Variants in PIWIL1 observed in about 807,000 individuals in gnomAD.
The protein encoded by PIWIL1 is piwi-like protein 1.
A neutral mutation model predicts 114.4 loss-of-function variants in PIWIL1; 73 were observed. The observed-to-expected ratio is 0.64, with a 90% confidence interval of 0.53 to 0.78. The LOEUF is 0.78. Among genes scored for constraint, PIWIL1 ranks in the 30% least tolerant of loss-of-function variants. PIWIL1 has a pLI of 0.00. For missense variants in PIWIL1, 723 were observed against 1,063.1 expected (o/e 0.68, Z 4.45); for synonymous variants, 375 against 369.0 (o/e 1.02, Z -0.19).
chr12:130,343,391 G>A (rs2072979442), intron 3 of PIWIL1, among the ~76,000 whole-genome samples: 1 of 152,178 alleles, frequency 6.6e-6, no homozygotes, highest in African/African-American at 2.4e-5. Context: ...TCTACCTGTA[G>A]AGGTAAAGAT....
In PIWIL1 at chr12:130,361,236, C is replaced by A. The variant is rs2073500085; in HGVS notation, c.1722C>A (p.Tyr574Ter). 1.2e-6 allele frequency: 2 copies of A among 1,614,020 alleles called. No individual in the cohort carries two copies. The highest frequency in any genetic ancestry group is 1.7e-6 in the Non-Finnish European group (2 of 1,180,038). The stretch of plus-strand genomic sequence containing the variant: ...ACAAATACGATGCTATTAAAAAATA[C>A]CTGTGTACAGATTGCCCTACCCCAA... ...RKDKYDAIKKYLCTDCPTPSQ... is the reference protein window; with the variant it reads ...RKDKYDAIKK The change falls in exon 15 of 21, where the codon TAC becomes TAA. Residue 574 changes from tyrosine (Y) to a stop codon, truncating the protein, a stop_gained. Transcript: ENST00000245255. LOFTEE classifies it high-confidence loss of function.
At chr12:130,411,404 G>A in the PIWIL1 span, among the ~76,000 whole-genome samples, 1 of 152,142 alleles carries the variant, frequency 6.6e-6, no homozygotes, top group Non-Finnish European at 1.5e-5. Context: ...AAGGAGTGGT[G>A]AGGGCCGACA....
chr12:130,390,598 G>A, the PIWIL1 span, among the ~76,000 whole-genome samples: 7 of 152,238 alleles, frequency 4.6e-5, no homozygotes, highest in African/African-American at 1.7e-4. Context: ...ATTAGAGCTT[G>A]GGCAATGGGT....
intron 19 of PIWIL1, 64 bp from the exon 20 acceptor site, chr12:130,371,112 G>T: frequency 7.2e-7 from 1 of 1,396,914 alleles, no homozygotes; most frequent in Non-Finnish European, 1.0e-6. Flanking sequence ...GCTTTTCACT[G>T]TAAGAAACTG....
chr12:130,389,019 G>C, the PIWIL1 span, among the ~76,000 whole-genome samples: 2 of 152,052 alleles, frequency 1.3e-5, no homozygotes, highest in East Asian at 3.9e-4. Context: ...GCTTTCAAAG[G>C]CATTTCTGTT....
chr12:130,376,873 C>T (rs11060850), downstream of PIWIL1, among the ~76,000 whole-genome samples: 12 of 152,284 alleles, frequency 7.9e-5, no homozygotes, highest in East Asian at 1.9e-3. Flanking sequence ...TGCCAGGTTC[C>T]CATGTTGTGT....
At chr12:130,407,107 A>G in the PIWIL1 span, among the ~76,000 whole-genome samples, 1 of 152,186 alleles carries the variant, frequency 6.6e-6, no homozygotes, top group East Asian at 1.9e-4. Context: ...TTCACAACCA[A>G]ACACATTTTC....
At position 130,357,025 on chromosome 12, in the gene PIWIL1, T is replaced by G. The variant is rs2073381070; in HGVS notation, c.1512T>G (p.Asn504Lys). The change falls in exon 13 of 21, where the codon AAT (asparagine) becomes AAG (lysine). Residue 504 changes from asparagine (N) to lysine (K), a missense_variant. Physicochemically the swap from Asn to Lys is moderately conservative, Grantham distance 94. Around this residue, in one of 8 missense-constraint regions of PIWIL1, gnomAD observed 298 missense variants for 420.8 expected, o/e 0.71. Transcript: ENST00000245255. The part of the protein sequence containing the change: ...DNWLLIYTRR[N>K]YEAANSLIQN... ...GGCTGTTGATCTATACGCGAAGAAA[T>G]TATGAAGCAGCCAATTCATTGATAC... 6.2e-7 allele frequency: 1 copy of G among 1,613,770 alleles called. No homozygotes were observed. The highest frequency in any genetic ancestry group is 8.5e-7 in the Non-Finnish European group (1 of 1,179,926).
chr12:130,413,747 C>T, the PIWIL1 span, among the ~76,000 whole-genome samples: 1 of 151,976 alleles, frequency 6.6e-6, no homozygotes, highest in East Asian at 1.9e-4. Context: ...TGCTGATGCT[C>T]CCTTCTTCCC....
the PIWIL1 span, among the ~76,000 whole-genome samples, chr12:130,393,875 C>A: frequency 3.3e-5 from 5 of 152,158 alleles, no homozygotes; most frequent in Admixed American, 6.5e-5. Flanking sequence ...TCCCATCCTC[C>A]CCAATATCAG....
chr12:130,424,394 G>A, the PIWIL1 span: 4 of 1,232,714 alleles, frequency 3.2e-6, no homozygotes, highest in Non-Finnish European at 4.0e-6. This position sits in a 1 kb window ranked among gnomAD's most constrained non-coding sequence, Gnocchi z 9.8. Context: ...TCCGCCGCCG[G>A]GCCAGCAGCG....
intron 18 of PIWIL1, among the ~76,000 whole-genome samples, chr12:130,364,932 G>A (rs530611237): frequency 2.9e-4 from 44 of 152,342 alleles, no homozygotes; most frequent in African/African-American, 1.0e-3. Context: ...GAGCTGAATT[G>A]TAGGGCTACT....
chr12:130,412,636 G>A, the PIWIL1 span: 11 of 1,613,954 alleles, frequency 6.8e-6, no homozygotes, highest in South Asian at 1.1e-5. Context: ...CTCCACAGGT[G>A]TATTCAGAGG....
the PIWIL1 span, among the ~76,000 whole-genome samples, chr12:130,400,063 C>T: frequency 2.0e-5 from 3 of 152,148 alleles, no homozygotes; most frequent in Non-Finnish European, 4.4e-5. Context: ...TGCCTTTTGG[C>T]CAAAGAGCCC....
chr12:130,375,854 A>T (rs1029542960), downstream of PIWIL1, among the ~76,000 whole-genome samples: 5 of 152,010 alleles, frequency 3.3e-5, no homozygotes, highest in African/African-American at 1.2e-4. Context: ...CTCCAGCCAG[A>T]CCTGCTGCAC....
intron 13 of PIWIL1, 54 bp from the exon 14 acceptor site, chr12:130,357,427 C>G: frequency 2.3e-6 from 3 of 1,302,530 alleles, no homozygotes; most frequent in Non-Finnish European, 3.3e-6. Flanking sequence ...TGTTTATGCA[C>G]GGTCCATTTG....
At chr12:130,342,182 G>GTGTGTGTGTC in intron 1 of PIWIL1, 1 of 191,270 alleles carries the variant, frequency 5.2e-6, no homozygotes, top group Non-Finnish European at 1.1e-5. Flanking sequence ...GTGTGTGTGT[G>GTGTGTGTGTC]TGTGTGTGTC....
At position 130,341,489 on chromosome 12, in the gene PIWIL1, GTAGTATTC is replaced by G. The variant is rs367949448; in HGVS notation, c.-12-1088_-12-1081del. Among the ~76,000 whole-genome samples, 466 of 152,338 alleles carry G rather than the reference GTAGTATTC, an allele frequency of 3.1e-3. 2 individuals carry two copies. Among genetic ancestry groups the G allele is most frequent in the African/African-American group, 9.9e-3 (412 of 41,588 alleles). On this transcript the variant is annotated intron_variant, in intron 1 of 20. Coordinates refer to ENST00000245255, the MANE Select transcript of PIWIL1 (RefSeq NM_004764.5). ...AACACTACTAGCATCCTGCCTTCGT[GTAGTATTC>G]TAAGAAGCTGACTTCAAGTTGCTTT...
At chr12:130,424,601 G>A in the PIWIL1 span, 3 of 1,231,854 alleles carry the variant, frequency 2.4e-6, no homozygotes, top group East Asian at 3.2e-5. The surrounding 1 kb of genome is among the most constrained non-coding windows in gnomAD (Gnocchi z 9.8). Flanking sequence ...CGGCCCCCGA[G>A]CCCCTGTGCT....
Sources: gnomAD v4.1 joint callset for allele counts (sites outside exome capture counted in the v4.1 genomes callset) on GRCh38, gnomAD v4.1.1 for gene constraint, gnomAD v4.1.1 regional missense constraint, Gnocchi (gnomAD v3.1) non-coding constraint, MANE v1.5 for transcripts, NCBI Gene and HGNC (gene_info 2026-07-23, HGNC 2026-07-21) for gene names.